Variants in LRRC37A2 observed in about 807,000 individuals in gnomAD.
The protein encoded by LRRC37A2 is leucine rich repeat containing 37 member A2, also known as leucine-rich repeat-containing protein 37A2.
LRRC37A2 carries 9 observed loss-of-function variants against 68.8 expected under a neutral mutation model. The ratio of observed to expected loss-of-function variants is 0.13; its 90% CI spans 0.08 to 0.23. The LOEUF (loss-of-function observed/expected upper bound fraction) is 0.23. Ranked by LOEUF, LRRC37A2 falls within the 10% of genes least tolerant of loss-of-function variation. LRRC37A2 has a pLI of 1.00. For missense variants in LRRC37A2, 168 were observed against 950.4 expected (o/e 0.18, Z 10.82); for synonymous variants, 63 against 367.6 (o/e 0.17, Z 9.48).
At chr17:46,822,182 A>G in the LRRC37A2 span, among the ~76,000 whole-genome samples, 2 of 152,306 alleles carry the variant, frequency 1.3e-5, no homozygotes, top group Admixed American at 1.3e-4. Flanking sequence ...TGACCTGGAG[A>G]GGAGGGCGTT....
chr17:47,003,274 A>C, the LRRC37A2 span, among the ~76,000 whole-genome samples: 1 of 149,046 alleles, frequency 6.7e-6, no homozygotes, highest in Non-Finnish European at 1.5e-5. Context: ...AAGCTCAGCC[A>C]TGACCACCCT....
At chr17:46,458,768 C>G in the LRRC37A2 span, among the ~76,000 whole-genome samples, 1 of 109,256 alleles carries the variant, frequency 9.2e-6, no homozygotes, top group East Asian at 2.4e-4. Context: ...CTCGAGCTCC[C>G]AACCTCAGGT....
the LRRC37A2 span, chr17:46,876,800 G>C: frequency 2.7e-6 from 4 of 1,457,572 alleles, no homozygotes; most frequent in Non-Finnish European, 3.6e-6. Context: ...CCTCTGGGCA[G>C]ACTGTCATCA....
chr17:46,898,824 T>C, the LRRC37A2 span, among the ~76,000 whole-genome samples: 1 of 152,190 alleles, frequency 6.6e-6, no homozygotes, highest in South Asian at 2.1e-4. Flanking sequence ...GGAATGTAAA[T>C]TGGTGTAACT....
the LRRC37A2 span, among the ~76,000 whole-genome samples, chr17:46,865,922 T>C: frequency 4.6e-5 from 7 of 152,134 alleles, no homozygotes; most frequent in African/African-American, 7.2e-5. Context: ...AAAAAAATCC[T>C]TTATAGTTGT....
At chr17:46,541,556 TCAG>T (rs1279510145) in intron 8 of LRRC37A2, among the ~76,000 whole-genome samples, 4 of 150,804 alleles carry the variant, frequency 2.7e-5, no homozygotes, top group Non-Finnish European at 5.9e-5. Flanking sequence ...CTGGCCTCAC[TCAG>T]CAGAATTTTT....
At chr17:46,772,822 C>T in the LRRC37A2 span, among the ~76,000 whole-genome samples, 1 of 130,790 alleles carries the variant, frequency 7.6e-6, no homozygotes. Context: ...CCTTTTCTTT[C>T]TGGCTGTATA....
the LRRC37A2 span, among the ~76,000 whole-genome samples, chr17:46,804,068 T>C: frequency 6.6e-6 from 1 of 152,076 alleles, no homozygotes; most frequent in African/African-American, 2.4e-5. Flanking sequence ...TTGACCTTGA[T>C]CCTGCTCTTC....
chr17:47,037,392 AC>A, the LRRC37A2 span, among the ~76,000 whole-genome samples: 1 of 152,126 alleles, frequency 6.6e-6, no homozygotes, highest in Admixed American at 6.6e-5. Flanking sequence ...GGCATGAGTT[AC>A]CGTGCCCGGC....
At chr17:46,773,897 C>G in the LRRC37A2 span, 1 of 1,611,792 alleles carries the variant, frequency 6.2e-7, no homozygotes, top group Non-Finnish European at 8.5e-7. Context: ...ACTGCTGGCC[C>G]AGGGCCAGGG....
At chr17:46,982,610 C>T in the LRRC37A2 span, among the ~76,000 whole-genome samples, 2 of 152,160 alleles carry the variant, frequency 1.3e-5, no homozygotes, top group African/African-American at 4.8e-5. Flanking sequence ...GCATCAGAGC[C>T]AGAATTTCAG....
the LRRC37A2 span, among the ~76,000 whole-genome samples, chr17:46,466,948 A>G: frequency 2.0e-5 from 2 of 99,888 alleles, 1 homozygote; most frequent in African/African-American, 8.1e-5. Flanking sequence ...TGACAAAAAC[A>G]AGCAATGGGG....
At chr17:46,797,684 G>A in the LRRC37A2 span, among the ~76,000 whole-genome samples, 4 of 152,154 alleles carry the variant, frequency 2.6e-5, no homozygotes, top group African/African-American at 4.8e-5. Flanking sequence ...TGTGCACAGC[G>A]AGATGCACAT....
intron 8 of LRRC37A2, among the ~76,000 whole-genome samples, chr17:46,542,267 T>C (rs1257618759): frequency 6.8e-6 from 1 of 146,882 alleles, no homozygotes; most frequent in Non-Finnish European, 1.5e-5. Context: ...TGTTGTCTAA[T>C]CCAGCGTCTA....
At chr17:46,812,854 T>C in the LRRC37A2 span, among the ~76,000 whole-genome samples, 1 of 152,342 alleles carries the variant, frequency 6.6e-6, no homozygotes, top group South Asian at 2.1e-4. Flanking sequence ...ATATGCTTCC[T>C]GTATGCAAGG....
At chr17:46,770,438 AG>A in the LRRC37A2 span, among the ~76,000 whole-genome samples, 1 of 152,182 alleles carries the variant, frequency 6.6e-6, no homozygotes, top group Admixed American at 6.5e-5. Flanking sequence ...CACCCTGCAC[AG>A]GCCTGAGCCC....
the LRRC37A2 span, chr17:46,938,883 C>G: frequency 1.9e-6 from 3 of 1,556,000 alleles, no homozygotes; most frequent in South Asian, 2.3e-5. Context: ...TGTGAAGACA[C>G]TTGGGAGTGA....
At chr17:46,932,249 G>T in the LRRC37A2 span, 1 of 1,609,884 alleles carries the variant, frequency 6.2e-7, no homozygotes, top group Middle Eastern at 1.7e-4. Context: ...AGATCGTGGG[G>T]GCTGGAGTTC....
At chr17:46,848,839 C>T in the LRRC37A2 span, among the ~76,000 whole-genome samples, 1 of 152,156 alleles carries the variant, frequency 6.6e-6, no homozygotes, top group Non-Finnish European at 1.5e-5. Flanking sequence ...TCTGTTTTTT[C>T]ATCTGTGCAA....
Sources: allele counts gnomAD v4.1 joint callset (sites outside exome capture counted in the v4.1 genomes callset), GRCh38; gene constraint gnomAD v4.1.1; transcripts MANE v1.5; gene names NCBI Gene and HGNC (gene_info 2026-07-23, HGNC 2026-07-21).